The following CDH13 variants were observed in gnomAD, a reference collection of about 807,000 sequenced individuals.
CDH13 encodes the protein cadherin-13.
A neutral mutation model predicts 63.8 loss-of-function variants in CDH13; 24 were observed. The ratio of observed to expected loss-of-function variants is 0.38; its 90% confidence interval spans 0.27 to 0.53. The LOEUF (loss-of-function observed/expected upper bound fraction) is 0.53. Among genes scored for constraint, CDH13 ranks in the 20% least tolerant of loss-of-function variants. The probability of loss-of-function intolerance (pLI) is 0.85; values close to 1 mark genes in which losing one functional copy is unlikely to be tolerated. For missense variants in CDH13, 1,049 were observed against 903.1 expected (o/e 1.16, Z -2.07); for synonymous variants, 503 against 355.3 (o/e 1.42, Z -4.67).
chr16:83,781,253 A>G (rs16961746), intron 12 of CDH13, among the ~76,000 whole-genome samples: 9,913 of 152,224 alleles, frequency 0.065, 448 homozygotes, highest in East Asian at 0.17. Flanking sequence ...TATATCCACA[A>G]TCTCACCCAC....
In CDH13 at chr16:82,719,656, G is replaced by T. The variant is rs554111877; in HGVS notation, c.45+92519G>T. On this transcript the variant is annotated intron_variant, in intron 1 of 13. Transcript: ENST00000567109. ...AGGTCAGGAGTTTGAGACCAGCCTGGCCAAGGTGGTGAAACCCCGTCTCTA... is the reference window on the plus strand; with the variant it reads ...AGGTCAGGAGTTTGAGACCAGCCTGTCCAAGGTGGTGAAACCCCGTCTCTA... 2.0e-4 allele frequency among the ~76,000 whole-genome samples: 30 copies of T among 152,182 alleles called. No homozygotes were observed. The South Asian group carries it at 5.8e-3, about 30-fold the overall frequency.
At chr16:83,192,891 G>A (rs1388425984) in intron 4 of CDH13, among the ~76,000 whole-genome samples, 2 of 152,164 alleles carry the variant, frequency 1.3e-5, no homozygotes, top group Non-Finnish European at 2.9e-5. Context: ...TTTCTTTGCA[G>A]AGTTTAAATG....
intron 6 of CDH13, among the ~76,000 whole-genome samples, chr16:83,361,507 G>A (rs1341635618): frequency 6.6e-6 from 1 of 152,098 alleles, no homozygotes; most frequent in Non-Finnish European, 1.5e-5. Flanking sequence ...ATTTCCCAAG[G>A]CCAATGTCCA....
intron 7 of CDH13, among the ~76,000 whole-genome samples, chr16:83,512,404 C>T (rs1001531870): frequency 2.0e-5 from 3 of 149,880 alleles, no homozygotes; most frequent in African/African-American, 7.3e-5. Flanking sequence ...GGCGTGGTGG[C>T]TCATGCCTGT....
chr16:83,259,481 C>T (rs1029840130), intron 5 of CDH13, among the ~76,000 whole-genome samples: 2 of 151,954 alleles, frequency 1.3e-5, no homozygotes, highest in Non-Finnish European at 2.9e-5. Context: ...GTGGAGTTCT[C>T]GACGTTCGTT....
At chr16:82,657,217 A>C (rs1203603999) in intron 1 of CDH13, among the ~76,000 whole-genome samples, 1 of 152,178 alleles carries the variant, frequency 6.6e-6, no homozygotes, top group Non-Finnish European at 1.5e-5. Flanking sequence ...TAATTTATAA[A>C]TGAGGCACAG....
intron 1 of CDH13, among the ~76,000 whole-genome samples, chr16:82,713,345 T>C (rs1267983705): frequency 1.3e-5 from 2 of 152,052 alleles, no homozygotes; most frequent in African/African-American, 4.8e-5. Context: ...AACTAGGATA[T>C]CCATCAAGCC....
intron 7 of CDH13, among the ~76,000 whole-genome samples, chr16:83,489,780 T>A (rs990788784): frequency 6.6e-6 from 1 of 152,208 alleles, no homozygotes; most frequent in African/African-American, 2.4e-5. Context: ...TAAAGTCTAC[T>A]TCTCAGCCAG....
At chr16:83,399,288 G>C (rs1032468430) in intron 6 of CDH13, among the ~76,000 whole-genome samples, 2 of 152,204 alleles carry the variant, frequency 1.3e-5, no homozygotes, top group African/African-American at 2.4e-5. Context: ...TCAATTAAGA[G>C]TACTTTGTAA....
intron 7 of CDH13, among the ~76,000 whole-genome samples, chr16:83,511,073 C>CAT (rs35863358): frequency 0.63 from 94,366 of 150,010 alleles, 29,715 homozygotes; most frequent in East Asian, 0.83. Flanking sequence ...CACGCACACA[C>CAT]ATGCACGCAT....
intron 8 of CDH13, among the ~76,000 whole-genome samples, chr16:83,626,237 G>A (rs748347632): frequency 7.9e-5 from 12 of 152,058 alleles, no homozygotes; most frequent in Admixed American, 2.6e-4. Flanking sequence ...CTTCCTCCTC[G>A]TTGTAATTGT....
intron 5 of CDH13, among the ~76,000 whole-genome samples, chr16:83,252,107 T>TTACACACACACACAC (rs369937109): frequency 7.4e-6 from 1 of 135,958 alleles, no homozygotes; most frequent in Non-Finnish European, 1.5e-5. Flanking sequence ...ATATATATTA[T>TTACACACACACACAC]ACACACACAC....
At chr16:83,133,341 CTT>C (rs2036140890) in intron 4 of CDH13, among the ~76,000 whole-genome samples, 1 of 152,134 alleles carries the variant, frequency 6.6e-6, no homozygotes, top group Admixed American at 6.5e-5. Flanking sequence ...CCTTAATAAT[CTT>C]TGTATTGATT....
chr16:83,453,148 T>C (rs766506707), intron 6 of CDH13, among the ~76,000 whole-genome samples: 2 of 152,202 alleles, frequency 1.3e-5, no homozygotes, highest in Non-Finnish European at 2.9e-5. Flanking sequence ...TGTGTTCTCA[T>C]CTGTGGGAAC....
chr16:83,080,855 T>A (rs993387088), intron 3 of CDH13, among the ~76,000 whole-genome samples: 6 of 146,754 alleles, frequency 4.1e-5, no homozygotes, highest in Admixed American at 3.5e-4. Context: ...AAGATAGAGT[T>A]TTGTTTTGTT....
chr16:83,412,277 C>A lies in CDH13; in HGVS notation c.781+67271C>A, dbSNP rs961058009. 2.6e-5 allele frequency among the ~76,000 whole-genome samples: 4 copies of A among 152,136 alleles called. 1 individual carries two copies. Among genetic ancestry groups the A allele is most frequent in the African/African-American group, 4.8e-5 (2 of 41,438 alleles). On this transcript the variant is annotated intron_variant, in intron 6 of 13. Transcript: ENST00000567109. The stretch of plus-strand genomic sequence containing the variant: ...AGGAGTTCGAGACCAGCTTGGCCAA[C>A]ACGGTGAAACCCCATCTCTACTAAA...
intron 6 of CDH13, among the ~76,000 whole-genome samples, chr16:83,425,200 G>T (rs561248328): frequency 6.6e-6 from 1 of 152,308 alleles, no homozygotes; most frequent in Admixed American, 6.5e-5. Context: ...AACGTAAATT[G>T]GAAGGAGGAG....
At chr16:82,634,109 C>T (rs758566748) in intron 1 of CDH13, among the ~76,000 whole-genome samples, 3 of 152,238 alleles carry the variant, frequency 2.0e-5, no homozygotes, top group South Asian at 2.1e-4. Context: ...CCTAGCTGAA[C>T]GCAGCCCGGG....
At chr16:83,202,195 C>A (rs562407954) in intron 4 of CDH13, among the ~76,000 whole-genome samples, 4 of 152,276 alleles carry the variant, frequency 2.6e-5, no homozygotes, top group South Asian at 2.1e-4. Flanking sequence ...TCTTGCCAGG[C>A]TCAGCTTTGG....
Sources: allele counts gnomAD v4.1 joint callset (sites outside exome capture counted in the v4.1 genomes callset), GRCh38; gene constraint gnomAD v4.1.1; transcripts MANE v1.5; gene names NCBI Gene and HGNC (gene_info 2026-07-23, HGNC 2026-07-21).